ARHGAP24: variants seen among roughly 807,000 people sequenced by gnomAD.
ARHGAP24 encodes the protein rho GTPase-activating protein 24.
A neutral mutation model predicts 76.4 loss-of-function variants in ARHGAP24; 50 were observed. That is an observed-to-expected ratio of 0.65 (90% CI 0.52 to 0.83). The LOEUF (loss-of-function observed/expected upper bound fraction) is 0.83, where lower values mean the gene tolerates loss of function less well. Ranked by LOEUF, ARHGAP24 falls within the 40% of genes least tolerant of loss-of-function variation. The pLI is 0.00. For synonymous variants in ARHGAP24, 345 were observed against 323.3 expected, an observed-to-expected ratio of 1.07 and a Z score of -0.72; for missense variants, 930 against 914.2, an observed-to-expected ratio of 1.02 and a Z score of -0.22.
chr4:85,544,242 A>C (rs2110124854), intron 1 of ARHGAP24, among the ~76,000 whole-genome samples: 1 of 152,348 alleles, frequency 6.6e-6, no homozygotes, highest in South Asian at 2.1e-4. Flanking sequence ...GAAATTCTAA[A>C]GTATCACTAT....
chr4:85,611,727 T>C (rs779614703), intron 2 of ARHGAP24, among the ~76,000 whole-genome samples: 2 of 152,178 alleles, frequency 1.3e-5, no homozygotes, highest in Admixed American at 6.5e-5. Context: ...GACTGGAAAT[T>C]AAGATGATCC....
chr4:85,590,152 A>C (rs1728024700), intron 2 of ARHGAP24, among the ~76,000 whole-genome samples: 1 of 151,400 alleles, frequency 6.6e-6, no homozygotes, highest in African/African-American at 2.4e-5. Flanking sequence ...TGAGAAAACT[A>C]ACTTTCTTTC....
At chr4:85,951,813 C>T (rs1737631571) in intron 5 of ARHGAP24, among the ~76,000 whole-genome samples, 1 of 152,124 alleles carries the variant, frequency 6.6e-6, no homozygotes, top group Non-Finnish European at 1.5e-5. Flanking sequence ...GAAGTTCCCA[C>T]AGGTATTCTG....
At chr4:85,720,967 A>G (rs1362877613) in intron 2 of ARHGAP24, among the ~76,000 whole-genome samples, 2 of 152,190 alleles carry the variant, frequency 1.3e-5, no homozygotes, top group African/African-American at 4.8e-5. Flanking sequence ...CAGTGAAGAA[A>G]TAGATTCAGT....
intron 2 of ARHGAP24, among the ~76,000 whole-genome samples, chr4:85,664,189 G>T (rs919615131): frequency 8.6e-5 from 13 of 151,442 alleles, no homozygotes; most frequent in African/African-American, 1.2e-4. Flanking sequence ...CAATTTCAGA[G>T]CCTGTTATTG....
At position 85,995,074 on chromosome 4, in the gene ARHGAP24, A is replaced by G. The variant is rs578167035; in HGVS notation, c.1420A>G (p.Thr474Ala). Residue 474 changes from threonine to alanine, a missense_variant, in exon 9 of 10, where the codon ACG becomes GCG. Transcript: ENST00000395184. ...SLKVSGTKMG[T>A]HSVQNGTVRM... is the part of the protein sequence containing the mutation. ...GAAGGTATCTGGTACCAAAATGGGC[A>G]CGCACAGTGTACAGAATGGAACGGT... The G allele has an allele frequency of 5.5e-5, 89 of 1,614,084 alleles. 2 individuals carry two copies. In the South Asian group the frequency reaches 9.4e-4, roughly 17 times the overall value.
intron 1 of ARHGAP24, among the ~76,000 whole-genome samples, chr4:85,564,890 G>C (rs1726762692): frequency 7.1e-6 from 1 of 141,652 alleles, no homozygotes; most frequent in Non-Finnish European, 1.5e-5. Context: ...GGCCGAGGGG[G>C]TTGGGGACCC....
intron 8 of ARHGAP24, among the ~76,000 whole-genome samples, chr4:85,984,548 C>T (rs149888337): frequency 6.6e-6 from 1 of 152,282 alleles, no homozygotes; most frequent in East Asian, 1.9e-4. Context: ...AATACCATCA[C>T]ACTGGGGGTT....
At chr4:85,629,783 A>C (rs1721100501) in intron 2 of ARHGAP24, among the ~76,000 whole-genome samples, 1 of 152,016 alleles carries the variant, frequency 6.6e-6, no homozygotes, top group Non-Finnish European at 1.5e-5. Context: ...TTTGTCTTTG[A>C]CTTTTGAGAA....
rs540352873 is a variant in ARHGAP24 at position 85,564,400 on chromosome 4, G to C, written c.-20-6122G>C. Among the ~76,000 whole-genome samples the C allele has an allele frequency of 1.5e-4, 22 of 145,208 alleles. 1 individual carries two copies. Among genetic ancestry groups the C allele is most frequent in the African/African-American group, 5.9e-4 (21 of 35,508 alleles). On this transcript the variant is annotated intron_variant, in intron 1 of 9. Transcript: ENST00000395184. ...ACACACCGGGGCCTGTTGTGGGGTG[G>C]GGGGAGCGGGGGGGATAGCATTAGG...
chr4:85,688,102 C>G (rs531618688), intron 2 of ARHGAP24, among the ~76,000 whole-genome samples: 1 of 152,142 alleles, frequency 6.6e-6, no homozygotes, highest in Non-Finnish European at 1.5e-5. Flanking sequence ...CGTGAGCCAC[C>G]GCACCTGGCC....
At chr4:85,495,747 A>T (rs1042499522) in intron 1 of ARHGAP24, among the ~76,000 whole-genome samples, 1 of 152,156 alleles carries the variant, frequency 6.6e-6, no homozygotes, top group African/African-American at 2.4e-5. Flanking sequence ...ATCAGAATGT[A>T]ATACTCTACA....
intron 3 of ARHGAP24, chr4:85,828,003 T>C (rs1729804815): frequency 7.8e-7 from 1 of 1,286,336 alleles, no homozygotes; most frequent in Middle Eastern, 2.1e-4. Flanking sequence ...TGTTCTTAAT[T>C]TGGAGACAAA....
At chr4:85,911,320 G>A (rs933552456) in intron 3 of ARHGAP24, among the ~76,000 whole-genome samples, 36 of 152,086 alleles carry the variant, frequency 2.4e-4, no homozygotes, top group Non-Finnish European at 4.9e-4. Context: ...GTGCCTCCCT[G>A]CTACAACCTG....
At chr4:85,919,861 G>A (rs1168967000) in intron 3 of ARHGAP24, among the ~76,000 whole-genome samples, 4 of 152,100 alleles carry the variant, frequency 2.6e-5, no homozygotes, top group Non-Finnish European at 5.9e-5. Flanking sequence ...ATAATATTTT[G>A]GGCCCGATAC....
chr4:85,861,757 T>G (rs552108582), intron 3 of ARHGAP24, among the ~76,000 whole-genome samples: 2 of 152,212 alleles, frequency 1.3e-5, no homozygotes, highest in African/African-American at 4.8e-5. Context: ...CATTCATCCA[T>G]TCACACCACG....
intron 3 of ARHGAP24, among the ~76,000 whole-genome samples, chr4:85,803,580 C>G (rs562400787): frequency 5.9e-5 from 9 of 152,180 alleles, no homozygotes; most frequent in Non-Finnish European, 1.2e-4. Context: ...GGGCCTGAAG[C>G]TTAATTTGCC....
At chr4:85,768,241 A>C (rs1395040607) in intron 3 of ARHGAP24, among the ~76,000 whole-genome samples, 2 of 152,244 alleles carry the variant, frequency 1.3e-5, no homozygotes, top group African/African-American at 4.8e-5. Flanking sequence ...TTCAAAATCT[A>C]AAGATTGGAT....
chr4:85,885,693 C>G (rs1733524614), intron 3 of ARHGAP24, among the ~76,000 whole-genome samples: 1 of 151,934 alleles, frequency 6.6e-6, no homozygotes, highest in African/African-American at 2.4e-5. Flanking sequence ...TTCTTGGAGT[C>G]CCATCTATTT....
Sources: allele counts gnomAD v4.1 joint callset (sites outside exome capture counted in the v4.1 genomes callset), GRCh38; gene constraint gnomAD v4.1.1; transcripts MANE v1.5; gene names NCBI Gene and HGNC (gene_info 2026-07-23, HGNC 2026-07-21).